The following ADAMTS18 variants were observed in gnomAD, a reference collection of about 807,000 sequenced individuals.
The protein encoded by ADAMTS18 is A disintegrin and metalloproteinase with thrombospondin motifs 18.
In ADAMTS18, 157 loss-of-function variants were observed where a neutral mutation model predicts 165.9. The ratio of observed to expected loss-of-function variants is 0.95; its 90% CI spans 0.83 to 1.08. The LOEUF is 1.08. Among genes scored for constraint, ADAMTS18 ranks in the 50% least tolerant of loss-of-function variants. The probability of loss-of-function intolerance (pLI) is 0.00; values close to 1 mark genes in which losing one functional copy is unlikely to be tolerated. For missense variants in ADAMTS18, 2,040 were observed against 1,534.0 expected (o/e 1.33, Z -5.51); for synonymous variants, 782 against 578.2 (o/e 1.35, Z -5.06).
rs200629744 is a variant in ADAMTS18, at chr16:77,375,890, C to CTTTTTTTTTTTTT, written c.496-8180_496-8168dup. On this transcript the variant is annotated intron_variant, in intron 3 of 22. Transcript: ENST00000282849. Reference sequence around the variant, plus strand: ...TTTTATGTCGTTTTTTCTTTCTTTCCTTTTTTTTTTTTTTTTTTTTTTTTT... The same window carrying CTTTTTTTTTTTTT: ...TTTTATGTCGTTTTTTCTTTCTTTCCTTTTTTTTTTTTTTTTTTTTTTTTTTTTTTTTTTTTTT... Among the ~76,000 whole-genome samples, 19 of 93,892 alleles carry CTTTTTTTTTTTTT rather than the reference C, an allele frequency of 2.0e-4. 1 individual carries two copies. The highest frequency in any genetic ancestry group is 3.3e-4 in the Non-Finnish European group (16 of 48,336). The allele number at this position is 93,892 out of a possible 152,430, so 61.6% of individuals were successfully genotyped here. A position where few individuals can be genotyped will look rare whatever the true frequency, so the allele number is the denominator to read the frequency against.
At chr16:77,334,850 A>ACTGT (rs779903031) in intron 12 of ADAMTS18, among the ~76,000 whole-genome samples, 2 of 126,526 alleles carry the variant, frequency 1.6e-5, no homozygotes, top group African/African-American at 6.1e-5. Context: ...CAGTATATAT[A>ACTGT]ATATACTATA....
At chr16:77,362,294 G>T in intron 6 of ADAMTS18, 30 bp from the exon 7 acceptor site, 1 of 1,612,416 alleles carries the variant, frequency 6.2e-7, no homozygotes, top group East Asian at 2.2e-5. Flanking sequence ...ATCAAAGTGT[G>T]AATTTGTCAC....
intron 3 of ADAMTS18, among the ~76,000 whole-genome samples, chr16:77,379,545 G>C (rs1490981047): frequency 6.6e-6 from 1 of 152,128 alleles, no homozygotes; most frequent in Non-Finnish European, 1.5e-5. Flanking sequence ...CTGGAGTACA[G>C]TGGAGCTATT....
At chr16:77,292,623 C>A (rs114792570) in intron 20 of ADAMTS18, among the ~76,000 whole-genome samples, 1 of 152,164 alleles carries the variant, frequency 6.6e-6, no homozygotes, top group South Asian at 2.1e-4. Context: ...GCTTTCTCTG[C>A]GTGTGCTTTA....
chr16:77,354,005 T>G (rs2056593704), intron 9 of ADAMTS18, 119 bp from the exon 10 acceptor site: 1 of 1,258,312 alleles, frequency 7.9e-7, no homozygotes, highest in East Asian at 2.3e-5. Context: ...TAGAAACAGG[T>G]ATATGTTTAA....
At chr16:77,413,710 C>T (rs533179392) in intron 3 of ADAMTS18, among the ~76,000 whole-genome samples, 2 of 147,950 alleles carry the variant, frequency 1.4e-5, no homozygotes, top group South Asian at 4.4e-4. Context: ...ATTTAGTATA[C>T]TTAAATATGT....
chr16:77,389,120 C>T (rs1215664764), intron 3 of ADAMTS18, among the ~76,000 whole-genome samples: 6 of 151,964 alleles, frequency 3.9e-5, no homozygotes, highest in South Asian at 4.2e-4. Flanking sequence ...GGCAACATGG[C>T]GAAACCCCAT....
intron 16 of ADAMTS18, among the ~76,000 whole-genome samples, chr16:77,303,830 G>C (rs963355438): frequency 6.6e-6 from 1 of 152,156 alleles, no homozygotes; most frequent in Non-Finnish European, 1.5e-5. Flanking sequence ...TTAGGAGATC[G>C]AGACCATTCT....
At chr16:77,307,979 G>A (rs1230915781) in intron 16 of ADAMTS18, among the ~76,000 whole-genome samples, 1 of 152,078 alleles carries the variant, frequency 6.6e-6, no homozygotes, top group Non-Finnish European at 1.5e-5. Context: ...AGTGCAGGAA[G>A]TTGTTTATTA....
chr16:77,291,814 G>T (rs1462153687), intron 20 of ADAMTS18, among the ~76,000 whole-genome samples: 3 of 152,154 alleles, frequency 2.0e-5, no homozygotes, highest in Non-Finnish European at 2.9e-5. Flanking sequence ...CAGGTTTAGG[G>T]TTACACACTT....
intron 3 of ADAMTS18, among the ~76,000 whole-genome samples, chr16:77,385,393 T>C (rs1264828316): frequency 6.6e-6 from 1 of 152,210 alleles, no homozygotes; most frequent in Non-Finnish European, 1.5e-5. Flanking sequence ...AGTTGACTTG[T>C]ATTCTGTAAC....
chr16:77,338,156 G>A (rs2056340413), intron 11 of ADAMTS18, among the ~76,000 whole-genome samples: 1 of 151,972 alleles, frequency 6.6e-6, no homozygotes, highest in African/African-American at 2.4e-5. Context: ...CACCCACCTT[G>A]GCCTCCGAAA....
chr16:77,427,664 T>C (rs755778624), intron 3 of ADAMTS18, among the ~76,000 whole-genome samples: 2 of 152,126 alleles, frequency 1.3e-5, no homozygotes, highest in Admixed American at 6.6e-5. Context: ...AAAACAATCA[T>C]CTCTAAACAT....
chr16:77,408,820 G>A (rs2057424628), intron 3 of ADAMTS18, among the ~76,000 whole-genome samples: 1 of 152,032 alleles, frequency 6.6e-6, no homozygotes, highest in African/African-American at 2.4e-5. Context: ...TCAATTAGCT[G>A]TATACAACAG....
intron 11 of ADAMTS18, among the ~76,000 whole-genome samples, chr16:77,337,297 T>G (rs978380902): frequency 2.5e-4 from 38 of 152,148 alleles, no homozygotes; most frequent in African/African-American, 8.7e-4. Context: ...GTTCAGTGGC[T>G]GAGACAAAAT....
chr16:77,408,456 T>A (rs750863334), intron 3 of ADAMTS18, among the ~76,000 whole-genome samples: 3 of 152,082 alleles, frequency 2.0e-5, no homozygotes, highest in Non-Finnish European at 4.4e-5. Flanking sequence ...AACCCAAATG[T>A]CTGTCAACAA....
In ADAMTS18 at chr16:77,300,383, G is replaced by C. The variant is rs774605827; in HGVS notation, c.2554C>G (p.Pro852Ala). The change falls in exon 17 of 23, where the codon CCA becomes GCA. Residue 852 changes from proline to alanine, a missense_variant. Physicochemically the swap from Pro to Ala is conservative, Grantham distance 27. Transcript: ENST00000282849. Reference sequence around the variant, plus strand: ...AGTGCATACTTCCAAGCTATCCCTGGATTTTTGCCTTGCATCAGAATCTGG... The same window carrying C: ...AGTGCATACTTCCAAGCTATCCCTGCATTTTTGCCTTGCATCAGAATCTGG... ...VFEILMQGKN[P>A]GIAWKYALPK... 4 of 1,614,032 alleles carry C rather than the reference G, an allele frequency of 2.5e-6. No individual in the cohort carries two copies. Among genetic ancestry groups the C allele is most frequent in the South Asian group, 2.2e-5 (2 of 91,072 alleles).
chr16:77,289,175 A>AATG, intron 22 of ADAMTS18, 89 bp downstream of exon 22: 2 of 1,523,390 alleles, frequency 1.3e-6, no homozygotes, highest in East Asian at 4.5e-5. Flanking sequence ...AGAGTTGTAC[A>AATG]ATGTCACAGG....
intron 17 of ADAMTS18, among the ~76,000 whole-genome samples, chr16:77,299,577 C>G (rs1324501654): frequency 1.3e-5 from 2 of 152,186 alleles, no homozygotes; most frequent in Non-Finnish European, 1.5e-5. Context: ...GAGAGACCAA[C>G]ATTCATGCTG....
Sources: gnomAD v4.1 joint callset for allele counts (sites outside exome capture counted in the v4.1 genomes callset) on GRCh38, gnomAD v4.1.1 for gene constraint, MANE v1.5 for transcripts, NCBI Gene and HGNC (gene_info 2026-07-23, HGNC 2026-07-21) for gene names.